The following PMS1 variants were observed in gnomAD, a reference collection of about 807,000 sequenced individuals.
PMS1 encodes the protein PMS1 protein homolog 1.
Under a neutral mutation model 93.1 loss-of-function variants are expected in PMS1, and 79 were observed. That is an observed-to-expected ratio of 0.85 (90% CI 0.71 to 1.02). The LOEUF is 1.02. Among genes scored for constraint, PMS1 ranks in the 50% least tolerant of loss-of-function variants. The pLI, the probability that PMS1 is intolerant of heterozygous loss-of-function variation, is 0.00. For missense variants in PMS1, 1,064 were observed against 1,085.3 expected, an observed-to-expected ratio of 0.98 and a Z score of 0.28; for synonymous variants, 335 against 363.4, an observed-to-expected ratio of 0.92 and a Z score of 0.89.
At chr2:189,839,125 A>G (rs2053620531) in intron 5 of PMS1, among the ~76,000 whole-genome samples, 1 of 151,892 alleles carries the variant, frequency 6.6e-6, no homozygotes, top group African/African-American at 2.4e-5. Context: ...CCAAGTAGCT[A>G]GGATTATGGG....
At chr2:189,803,108 G>A (rs932476919) in intron 3 of PMS1, among the ~76,000 whole-genome samples, 4 of 151,510 alleles carry the variant, frequency 2.6e-5, no homozygotes, top group Non-Finnish European at 5.9e-5. Context: ...CACCTGAATC[G>A]TAAAGACTGT....
intron 6 of PMS1, among the ~76,000 whole-genome samples, chr2:189,851,805 A>T (rs2054760237): frequency 6.6e-6 from 1 of 152,072 alleles, no homozygotes; most frequent in Non-Finnish European, 1.5e-5. Flanking sequence ...ATTTTAAATA[A>T]CTTAACAAAA....
intron 1 of PMS1, among the ~76,000 whole-genome samples, chr2:189,788,784 C>T (rs1019147716): frequency 6.6e-6 from 1 of 152,104 alleles, no homozygotes; most frequent in Admixed American, 6.6e-5. Flanking sequence ...TGTATTAGCA[C>T]ATCTCAATTT....
intron 4 of PMS1, among the ~76,000 whole-genome samples, chr2:189,810,778 T>G (rs1464286806): frequency 6.6e-6 from 1 of 152,182 alleles, no homozygotes; most frequent in Non-Finnish European, 1.5e-5. Flanking sequence ...ATTGAAGAGA[T>G]ATATTCTTCA....
rs750529112 is a variant in PMS1 at position 189,863,219 on chromosome 2, TTTG to T, written c.1857-512_1857-510del. On this transcript the variant is annotated intron_variant, in intron 9 of 12. Coordinates refer to ENST00000441310, the MANE Select transcript of PMS1 (RefSeq NM_000534.5). Reference sequence around the variant, plus strand: ...TTTTGTTTGTTTGTTTGTGTGTTTGTTTGTTGTTGTTGTTTTTTCTTTTTGGTG... The same window carrying T: ...TTTTGTTTGTTTGTTTGTGTGTTTGTTTGTTGTTGTTTTTTCTTTTTGGTG... 2.2e-3 allele frequency among the ~76,000 whole-genome samples: 335 copies of T among 151,764 alleles called. 3 individuals carry two copies. Among genetic ancestry groups the T allele is most frequent in the East Asian group, 3.3e-3 (17 of 5,178 alleles).
intron 10 of PMS1, among the ~76,000 whole-genome samples, chr2:189,866,910 C>G (rs1214072372): frequency 1.3e-5 from 2 of 152,172 alleles, no homozygotes; most frequent in African/African-American, 4.8e-5. Flanking sequence ...TCCCTACTGT[C>G]TCTCAGATCG....
chr2:189,851,635 G>A (rs1245026840), intron 6 of PMS1, among the ~76,000 whole-genome samples: 1 of 152,142 alleles, frequency 6.6e-6, no homozygotes, highest in Non-Finnish European at 1.5e-5. Context: ...TACAGGCTAT[G>A]TTAATAAGGA....
intron 6 of PMS1, among the ~76,000 whole-genome samples, chr2:189,845,623 G>A (rs1333632908): frequency 6.6e-6 from 1 of 151,890 alleles, no homozygotes; most frequent in African/African-American, 2.4e-5. Flanking sequence ...TCATATCTTA[G>A]GCCTTCTGCA....
chr2:189,826,313 A>G (rs2052422223), intron 5 of PMS1, among the ~76,000 whole-genome samples: 1 of 152,140 alleles, frequency 6.6e-6, no homozygotes, highest in Non-Finnish European at 1.5e-5. Context: ...CTTAGGAATG[A>G]ATTATTCCAG....
intron 1 of PMS1, among the ~76,000 whole-genome samples, chr2:189,790,086 G>T (rs2048714607): frequency 6.6e-6 from 1 of 152,140 alleles, no homozygotes; most frequent in South Asian, 2.1e-4. Flanking sequence ...TATATTATTG[G>T]CTTTGAGGAG....
intron 6 of PMS1, among the ~76,000 whole-genome samples, chr2:189,850,569 A>AT (rs2054608072): frequency 6.6e-6 from 1 of 152,164 alleles, no homozygotes; most frequent in Admixed American, 6.6e-5. Context: ...TGTTGAAACT[A>AT]TAGGTGTGAA....
At chr2:189,819,498 G>T (rs2051634358) in intron 5 of PMS1, among the ~76,000 whole-genome samples, 1 of 152,080 alleles carries the variant, frequency 6.6e-6, no homozygotes, top group Non-Finnish European at 1.5e-5. Flanking sequence ...ATTCCCATCA[G>T]CAGTGAGTAA....
At chr2:189,807,601 C>T (rs928497354) in intron 4 of PMS1, among the ~76,000 whole-genome samples, 1 of 152,210 alleles carries the variant, frequency 6.6e-6, no homozygotes, top group African/African-American at 2.4e-5. Flanking sequence ...TTGCATCACT[C>T]ATACTTCTCA....
At chr2:189,827,598 A>T (rs968367728) in intron 5 of PMS1, among the ~76,000 whole-genome samples, 6 of 152,014 alleles carry the variant, frequency 3.9e-5, no homozygotes, top group Admixed American at 6.5e-5. Flanking sequence ...TGCCCATCAA[A>T]TGATGAATGG....
At chr2:189,859,182 G>C (rs975774524) in intron 9 of PMS1, among the ~76,000 whole-genome samples, 1 of 152,050 alleles carries the variant, frequency 6.6e-6, no homozygotes, top group South Asian at 2.1e-4. Flanking sequence ...TGTGTTTCTT[G>C]GTAGAAAATA....
At chr2:189,876,771 T>C (rs1032843233) in intron 12 of PMS1, among the ~76,000 whole-genome samples, 8 of 90,882 alleles carry the variant, frequency 8.8e-5, no homozygotes, top group Non-Finnish European at 1.5e-4. Flanking sequence ...CCGTGCCCAC[T>C]TTTTTTTTTT....
intron 5 of PMS1, among the ~76,000 whole-genome samples, chr2:189,841,714 T>C (rs1023383311): frequency 1.3e-4 from 16 of 125,328 alleles, no homozygotes; most frequent in African/African-American, 4.8e-4. Flanking sequence ...TATAGACTTC[T>C]GCCTCTTTTA....
chr2:189,820,892 A>G (rs1279887304), intron 5 of PMS1, among the ~76,000 whole-genome samples: 1 of 152,178 alleles, frequency 6.6e-6, no homozygotes, highest in African/African-American at 2.4e-5. Flanking sequence ...TAAGAATAGC[A>G]ACCTGTTCTT....
intron 3 of PMS1, among the ~76,000 whole-genome samples, chr2:189,799,258 A>G (rs547994699): frequency 6.6e-6 from 1 of 152,344 alleles, no homozygotes; most frequent in Admixed American, 6.5e-5. Flanking sequence ...TTATCTTAGA[A>G]AATATTAACA....
Sources: gnomAD v4.1 joint callset for allele counts (sites outside exome capture counted in the v4.1 genomes callset) on GRCh38, gnomAD v4.1.1 for gene constraint, MANE v1.5 for transcripts, NCBI Gene and HGNC (gene_info 2026-07-23, HGNC 2026-07-21) for gene names.